MLKL: variants seen among roughly 807,000 people sequenced by gnomAD.
The protein encoded by MLKL is mixed lineage kinase domain like pseudokinase.
Under a neutral mutation model 56.5 loss-of-function variants are expected in MLKL, and 55 were observed. That is an observed-to-expected ratio of 0.97 (90% CI 0.78 to 1.22). MLKL has a LOEUF of 1.22. Among genes scored for constraint, MLKL ranks in the 50% most tolerant of loss-of-function variants. The pLI is 0.00. For missense variants in MLKL, 694 were observed against 573.9 expected (o/e 1.21, Z -2.14); for synonymous variants, 251 against 208.3 (o/e 1.20, Z -1.76).
At chr16:74,689,530 T>A (rs1209988321) in intron 4 of MLKL, among the ~76,000 whole-genome samples, 1 of 152,226 alleles carries the variant, frequency 6.6e-6, no homozygotes, top group Non-Finnish European at 1.5e-5. Context: ...AATCTTGATG[T>A]GTATTTTGAG....
At position 74,698,463 on chromosome 16, in the gene MLKL, G is replaced by T. The variant is rs375212026; in HGVS notation, c.-3+1990C>A. On this transcript the variant is annotated intron_variant, in intron 1 of 10. Coordinates refer to ENST00000308807, the MANE Select transcript of MLKL (RefSeq NM_152649.4). ...TTGTTGCCTGAGAGTTACAGTGATT[G>T]GGCAAGGGAGGTAACAGTTATTAGG... 3.9e-5 allele frequency among the ~76,000 whole-genome samples: 6 copies of T among 152,124 alleles called. No homozygotes were observed. In the East Asian group the frequency reaches 9.6e-4, roughly 24 times the overall value.
At chr16:74,688,798 C>T (rs1283370973) in intron 4 of MLKL, among the ~76,000 whole-genome samples, 1 of 152,086 alleles carries the variant, frequency 6.6e-6, no homozygotes, top group Non-Finnish European at 1.5e-5. Context: ...GTGGAAAAAA[C>T]ACAAGGTCCT....
Position 74,691,295 on chromosome 16 carries a change from A to G in MLKL, c.704T>C (p.Leu235Pro), listed in dbSNP as rs1202737257. The change falls in exon 4 of 11, where the codon CTC (leucine) becomes CCC (proline). Residue 235 changes from leucine to proline, a missense_variant. Physicochemically the swap from Leu to Pro is moderately conservative, Grantham distance 98 (BLOSUM62 -3). Transcript: ENST00000308807. ...AACTTACGCAATGCTGCCAGCCTGG[A>G]GTTTTTTGAATACTTTTATGGCCAC... Reference protein sequence around the residue: ...APVAIKVFKKLQAGSIAIVRQ... With the variant: ...APVAIKVFKKPQAGSIAIVRQ... 2 of 1,611,092 alleles carry G rather than the reference A, an allele frequency of 1.2e-6. No individual in the cohort carries two copies. Among genetic ancestry groups the G allele is most frequent in the East Asian group, 4.5e-5 (2 of 44,838 alleles).
intron 1 of MLKL, among the ~76,000 whole-genome samples, chr16:74,698,287 A>G (rs1434576659): frequency 3.3e-5 from 5 of 152,142 alleles, no homozygotes; most frequent in Admixed American, 3.3e-4. Context: ...AGCTCAGTGA[A>G]ATAGGTAGGT....
chr16:74,690,421 C>T (rs893194706), intron 4 of MLKL, among the ~76,000 whole-genome samples: 3 of 151,970 alleles, frequency 2.0e-5, no homozygotes, highest in African/African-American at 7.3e-5. Context: ...TATACAGGTC[C>T]CTAAAGGGAA....
intron 6 of MLKL, among the ~76,000 whole-genome samples, chr16:74,681,742 C>T (rs1597488960): frequency 1.3e-5 from 2 of 150,722 alleles, no homozygotes; most frequent in South Asian, 2.1e-4. Flanking sequence ...TGCAGTGAGC[C>T]GAGATCGTGC....
At chr16:74,672,850 A>G (rs921788627) in intron 10 of MLKL, among the ~76,000 whole-genome samples, 1 of 152,234 alleles carries the variant, frequency 6.6e-6, no homozygotes, top group African/African-American at 2.4e-5. Flanking sequence ...GAAAGAAGAC[A>G]GAGGAGAGAG....
chr16:74,694,499 A>G (rs1168686886), intron 2 of MLKL, among the ~76,000 whole-genome samples: 1 of 151,644 alleles, frequency 6.6e-6, no homozygotes, highest in Non-Finnish European at 1.5e-5. Context: ...TCGACCTCCT[A>G]GGTGCCTGTA....
Position 74,691,366 on chromosome 16 carries a change from T to C in MLKL, c.633A>G (p.Glu211=). 6.2e-7 allele frequency: 1 copy of C among 1,614,176 alleles called. No homozygotes were observed. Among genetic ancestry groups the C allele is most frequent in the Non-Finnish European group, 8.5e-7 (1 of 1,180,034 alleles). ...LSGSPWILLR[E]NEVSTLYKGE... is the part of the protein sequence containing the mutation. ...CTTTATAAAGTGTGCTGACTTCATT[T>C]TCCCTTAGCAGAATCCACGGGGATC... Residue 211 remains glutamate (E), a synonymous_variant, in exon 4 of 11, where the codon GAA becomes GAG. Coordinates refer to ENST00000308807, the MANE Select transcript of MLKL (RefSeq NM_152649.4).
intron 2 of MLKL, among the ~76,000 whole-genome samples, chr16:74,694,168 A>T (rs1960875358): frequency 2.6e-5 from 4 of 152,196 alleles, no homozygotes; most frequent in Admixed American, 2.6e-4. Context: ...ACAACAATAA[A>T]ATATATATAC....
chr16:74,694,985 G>A (rs910876398), intron 2 of MLKL, among the ~76,000 whole-genome samples: 1 of 152,122 alleles, frequency 6.6e-6, no homozygotes, highest in Non-Finnish European at 1.5e-5. Flanking sequence ...CTGTTCTCCT[G>A]CCTCAGCCTC....
At chr16:74,688,038 A>G (rs1471199650) in intron 4 of MLKL, among the ~76,000 whole-genome samples, 1 of 152,080 alleles carries the variant, frequency 6.6e-6, no homozygotes, top group Non-Finnish European at 1.5e-5. Flanking sequence ...ATTAGCCAGG[A>G]TGGTCTTGAT....
chr16:74,695,583 T>C lies in MLKL; in HGVS notation c.175A>G (p.Thr59Ala). ...GCCTTGAAGCGGTTCATGGCTGTGG[T>C]TAACTTCTCAGAGGGCACGCTCCTC... is the stretch of plus-strand genomic sequence containing the variant. ...GKRSVPSEKL[T>A]TAMNRFKAAL... The change falls in exon 2 of 11, where the codon ACC (threonine) becomes GCC (alanine). Residue 59 changes from threonine (T) to alanine (A), a missense_variant. Transcript: ENST00000308807. 6.2e-7 allele frequency: 1 copy of C among 1,614,184 alleles called. No individual in the cohort carries two copies. The highest frequency in any genetic ancestry group is 8.5e-7 in the Non-Finnish European group (1 of 1,180,040).
At chr16:74,693,671 CAGCTCACTGCAGGCTCCG>C (rs1960832663) in intron 2 of MLKL, among the ~76,000 whole-genome samples, 1 of 147,954 alleles carries the variant, frequency 6.8e-6, no homozygotes, top group African/African-American at 2.5e-5. Flanking sequence ...GGAGCGATCT[CAGCTCACTGCAGGCTCCG>C]CCCCGCGGGG....
chr16:74,675,701 T>C lies in MLKL; in HGVS notation c.1102A>G (p.Thr368Ala). 1 of 1,614,212 alleles carries C rather than the reference T, an allele frequency of 6.2e-7. No individual in the cohort carries two copies. Among genetic ancestry groups the C allele is most frequent in the Non-Finnish European group, 8.5e-7 (1 of 1,180,030 alleles). Residue 368 changes from threonine (T) to alanine (A), a missense_variant, in exon 8 of 11, where the codon ACA becomes GCA. By Grantham distance (58) the Thr-to-Ala change is moderately conservative. Transcript: ENST00000308807. Reference protein sequence around the residue: ...SMSLGTTREKTDRVKSTAYLS... With the variant: ...SMSLGTTREKADRVKSTAYLS... ...TATGCTGTAGATTTGACTCTGTCTG[T>C]CTTTTCTCTCGTAGTTCCCAAACTC... is the stretch of plus-strand genomic sequence containing the variant.
chr16:74,689,466 T>TA (rs1960537304), intron 4 of MLKL, among the ~76,000 whole-genome samples: 1 of 152,170 alleles, frequency 6.6e-6, no homozygotes, highest in Non-Finnish European at 1.5e-5. Flanking sequence ...AGGTAAATCT[T>TA]ACGGTATGTA....
chr16:74,694,426 G>A (rs1448778981), intron 2 of MLKL, among the ~76,000 whole-genome samples: 2 of 152,126 alleles, frequency 1.3e-5, no homozygotes, highest in Non-Finnish European at 2.9e-5. Flanking sequence ...TGTTTTTGGA[G>A]ACAGGATCTC....
Position 74,695,509 on chromosome 16 carries a change from G to A in MLKL, c.249C>T (p.Ser83=), listed in dbSNP as rs1250525190. 10 of 1,614,030 alleles carry A rather than the reference G, an allele frequency of 6.2e-6. No homozygotes were observed. The East Asian group carries it at 2.2e-4, about 36-fold the overall frequency. ...TTGCTGTTAGAAACCTGCAGATATT[G>A]GATCTATTGCTGAACTTTTCTATCT... ...NGEIEKFSNR[S]NICRFLTASQ... is the part of the protein sequence containing the mutation. Residue 83 remains serine (S), a synonymous_variant, in exon 2 of 11, where the codon TCC becomes TCT. Coordinates refer to ENST00000308807, the MANE Select transcript of MLKL (RefSeq NM_152649.4).
At chr16:74,672,625 C>A in intron 10 of MLKL, 87 bp from the exon 11 acceptor site, 3 of 1,213,210 alleles carry the variant, frequency 2.5e-6, no homozygotes, top group South Asian at 2.5e-5. Context: ...ATTGCACAGT[C>A]ATTTAGAAAC....
Sources: allele counts gnomAD v4.1 joint callset (sites outside exome capture counted in the v4.1 genomes callset), GRCh38; gene constraint gnomAD v4.1.1; transcripts MANE v1.5; gene names NCBI Gene and HGNC (gene_info 2026-07-23, HGNC 2026-07-21).